Variants in TG observed in about 807,000 individuals in gnomAD.
The protein encoded by TG is thyroglobulin, also known as thyroid hormones.
TG carries 270 observed loss-of-function variants against 324.7 expected under a neutral mutation model. That is an observed-to-expected ratio of 0.83 (90% CI 0.75 to 0.92). The LOEUF (loss-of-function observed/expected upper bound fraction) is 0.92. Among genes scored for constraint, TG ranks in the 40% least tolerant of loss-of-function variants. The pLI is 0.00. For synonymous variants in TG, 1,401 were observed against 1,327.0 expected (o/e 1.06, Z -1.21); for missense variants, 3,591 against 3,456.4 (o/e 1.04, Z -0.98).
In TG at chr8:132,969,568, G is replaced by A. The variant is rs751517022; in HGVS notation, c.5974G>A (p.Gly1992Arg). The A allele has an allele frequency of 1.9e-6, 3 of 1,580,012 alleles. No individual in the cohort carries two copies. Among genetic ancestry groups the A allele is most frequent in the South Asian group, 1.1e-5 (1 of 90,432 alleles). Residue 1992 changes from glycine to arginine, a missense_variant and splice_region_variant, in exon 32 of 48, where the codon GGG becomes AGG. Transcript: ENST00000220616. ...VPMSEKSISN[G>R]FFECERRCDA... ...CATGTCTGAAAAATCTATTTCTAAT[G>A]GGTAAGCTACTTGTGTCTCACCCCT...
At chr8:133,134,647 G>T in intron 47 of TG, 29 bp from the exon 48 acceptor site, 1 of 1,604,120 alleles carries the variant, frequency 6.2e-7, no homozygotes, top group South Asian at 1.1e-5. Context: ...ATCTGGCTTG[G>T]ACCAACCTTC....
At chr8:132,930,251 A>G (rs1822504517) in intron 23 of TG, among the ~76,000 whole-genome samples, 1 of 152,240 alleles carries the variant, frequency 6.6e-6, no homozygotes, top group Non-Finnish European at 1.5e-5. Flanking sequence ...GAGGGACAGA[A>G]CCAAGTGGTC....
At chr8:133,004,107 C>A (rs1427481144) in intron 35 of TG, among the ~76,000 whole-genome samples, 1 of 152,218 alleles carries the variant, frequency 6.6e-6, no homozygotes, top group African/African-American at 2.4e-5. Flanking sequence ...CTCAATGAGT[C>A]TCTCTTCCTT....
chr8:133,020,569 A>G (rs1429176981), intron 39 of TG, among the ~76,000 whole-genome samples: 1 of 152,156 alleles, frequency 6.6e-6, no homozygotes, highest in Non-Finnish European at 1.5e-5. Flanking sequence ...AAATGAACTC[A>G]AGACCACTCA....
intron 45 of TG, among the ~76,000 whole-genome samples, chr8:133,121,630 C>T (rs141921083): frequency 1.3e-4 from 20 of 152,314 alleles, no homozygotes. Flanking sequence ...GTCTTATCAG[C>T]TCAGTGACCT....
Position 132,969,523 on chromosome 8 carries a change from T to C in TG, c.5929T>C (p.Ser1977Pro). 1 of 1,614,008 alleles carries C rather than the reference T, an allele frequency of 6.2e-7. No homozygotes were observed. Among genetic ancestry groups the C allele is most frequent in the Non-Finnish European group, 8.5e-7 (1 of 1,179,898 alleles). Residue 1977 changes from serine to proline, a missense_variant, in exon 32 of 48, where the codon TCC (serine) becomes CCC (proline). Ser to Pro is a moderately conservative substitution (Grantham distance 74). Coordinates refer to ENST00000220616, the MANE Select transcript of TG (RefSeq NM_003235.5). ...RLPFQKLMGI[S>P]IRNKVPMSEK... The stretch of plus-strand genomic sequence containing the variant: ...GCCGTTCCAAAAACTGATGGGGATA[T>C]CCATTAGAAATAAAGTGCCCATGTC...
chr8:133,081,404 G>A (rs766659564), intron 41 of TG, among the ~76,000 whole-genome samples: 2 of 152,190 alleles, frequency 1.3e-5, no homozygotes, highest in African/African-American at 2.4e-5. Flanking sequence ...AAACCATCTG[G>A]GGGGAGAGCA....
At chr8:133,051,599 T>C (rs1840418793) in intron 41 of TG, among the ~76,000 whole-genome samples, 1 of 152,136 alleles carries the variant, frequency 6.6e-6, no homozygotes, top group Non-Finnish European at 1.5e-5. Context: ...CTTTTCCTAA[T>C]AGTGTATTGA....
In TG at chr8:133,075,744, C is replaced by T. The variant is rs146546253; in HGVS notation, c.7240-19300C>T. ...GCCATAGAAGTAATGGCAAAAACCA[C>T]AATCATTGTGGCACCAACCTAATAC... On this transcript the variant is annotated intron_variant, in intron 41 of 47. Coordinates refer to ENST00000220616, the MANE Select transcript of TG (RefSeq NM_003235.5). 5.8e-3 allele frequency among the ~76,000 whole-genome samples: 889 copies of T among 152,174 alleles called. 4 individuals carry two copies. The highest frequency in any genetic ancestry group is 0.02 in the Middle Eastern group (6 of 294).
In TG at chr8:132,906,723, G is replaced by A. The variant is rs1563937703; in HGVS notation, c.3670G>A (p.Val1224Met). ...TCCGCTGCCATTCAACGCGTCGGAG[G>A]TGGTTGGTGGAACAATCCTGTGTGA... ...RCPLPFNASE[V>M]VGGTILCETI... is the part of the protein sequence containing the mutation. The change falls in exon 17 of 48, where the codon GTG becomes ATG. Residue 1224 changes from valine (V) to methionine (M), a missense_variant. Physicochemically the swap from Val to Met is conservative, Grantham distance 21. Transcript: ENST00000220616. 1.2e-6 allele frequency: 2 copies of A among 1,614,240 alleles called. No homozygotes were observed. The highest frequency in any genetic ancestry group is 1.7e-6 in the Non-Finnish European group (2 of 1,180,046).
intron 1 of TG, 127 bp downstream of exon 1, chr8:132,867,194 G>T: frequency 2.3e-6 from 2 of 870,816 alleles, no homozygotes; most frequent in South Asian, 1.6e-5. Flanking sequence ...TCAGTGATTT[G>T]CTTTTTTTTT....
intron 37 of TG, among the ~76,000 whole-genome samples, chr8:133,017,157 G>A (rs565963353): frequency 1.3e-5 from 2 of 152,160 alleles, no homozygotes; most frequent in African/African-American, 2.4e-5. Context: ...ATCCTAGCAG[G>A]CCCTAGGCCT....
rs540375301 is a variant in TG at position 133,116,721 on chromosome 8, G to A, written c.7862+5G>A. 2 of 1,612,674 alleles carry A rather than the reference G, an allele frequency of 1.2e-6. No individual in the cohort carries two copies. The highest frequency in any genetic ancestry group is 1.3e-5 in the African/African-American group (1 of 75,006). ...TGAAAACTACGGCCATGGCAGGTAAGACGCTGCAGGGAAGCAGAGAAAGGA... is the reference window on the plus strand; with the variant it reads ...TGAAAACTACGGCCATGGCAGGTAAAACGCTGCAGGGAAGCAGAGAAAGGA... On this transcript the variant is annotated splice_donor_5th_base_variant and intron_variant, in intron 45 of 47. Coordinates refer to ENST00000220616, the MANE Select transcript of TG (RefSeq NM_003235.5).
intron 16 of TG, among the ~76,000 whole-genome samples, chr8:132,904,371 T>C (rs1455157858): frequency 2.6e-5 from 4 of 152,206 alleles, no homozygotes; most frequent in African/African-American, 4.8e-5. Flanking sequence ...TCTTCATCTC[T>C]AAAGTAGCAG....
intron 40 of TG, among the ~76,000 whole-genome samples, chr8:133,024,398 T>A (rs1564084575): frequency 2.1e-5 from 3 of 145,708 alleles, no homozygotes; most frequent in Non-Finnish European, 3.0e-5. Context: ...TTCTTTTTCT[T>A]TTTTTAATTT....
chr8:132,983,846 G>A (rs1364347450), intron 35 of TG: 1 of 285,604 alleles, frequency 3.5e-6, no homozygotes, highest in Non-Finnish European at 6.8e-6. Context: ...ACACTGGGCA[G>A]CACTGTGACA....
At chr8:133,056,871 G>A (rs1841530357) in intron 41 of TG, among the ~76,000 whole-genome samples, 1 of 152,142 alleles carries the variant, frequency 6.6e-6, no homozygotes, top group Admixed American at 6.5e-5. Flanking sequence ...CAAGCTTTAG[G>A]GGTTACAGAG....
At chr8:133,119,845 C>T (rs969889690) in intron 45 of TG, among the ~76,000 whole-genome samples, 2 of 152,214 alleles carry the variant, frequency 1.3e-5, no homozygotes, top group African/African-American at 4.8e-5. Context: ...CACGCGGTCT[C>T]TCTGCATAGA....
At chr8:133,112,029 T>TAC (rs1457548683) in intron 43 of TG, among the ~76,000 whole-genome samples, 2 of 143,998 alleles carry the variant, frequency 1.4e-5, no homozygotes, top group African/African-American at 4.9e-5. Context: ...CAGGAGGGGC[T>TAC]GTTCCCACCC....
Sources: gnomAD v4.1 joint callset for allele counts (sites outside exome capture counted in the v4.1 genomes callset) on GRCh38, gnomAD v4.1.1 for gene constraint, MANE v1.5 for transcripts, NCBI Gene and HGNC (gene_info 2026-07-23, HGNC 2026-07-21) for gene names.